The following TNFSF11 variants were observed in gnomAD, a reference collection of about 807,000 sequenced individuals.
TNFSF11 encodes tumor necrosis factor ligand superfamily member 11.
A neutral mutation model predicts 32.2 loss-of-function variants in TNFSF11; 12 were observed. The observed-to-expected ratio is 0.37, with a 90% CI of 0.24 to 0.60. The LOEUF (loss-of-function observed/expected upper bound fraction) is 0.60. Ranked by LOEUF, TNFSF11 falls within the 20% of genes least tolerant of loss-of-function variation. The probability of loss-of-function intolerance (pLI) is 0.66; values close to 1 mark genes in which losing one functional copy is unlikely to be tolerated. For synonymous variants in TNFSF11, 172 were observed against 152.1 expected (o/e 1.13, Z -0.96); for missense variants, 345 against 398.0 (o/e 0.87, Z 1.13).
At chr13:42,595,754 T>C (rs1868772265) in intron 2 of TNFSF11, among the ~76,000 whole-genome samples, 1 of 152,248 alleles carries the variant, frequency 6.6e-6, no homozygotes, top group African/African-American at 2.4e-5. Flanking sequence ...TGTACATACA[T>C]TTTTTAAAAG....
At chr13:42,602,727 T>C (rs1869246171) in intron 4 of TNFSF11, among the ~76,000 whole-genome samples, 1 of 152,250 alleles carries the variant, frequency 6.6e-6, no homozygotes, top group Admixed American at 6.5e-5. Flanking sequence ...TGGAAAACTA[T>C]TTTGCATGTT....
At chr13:42,583,950 C>A (rs1304287086) in intron 2 of TNFSF11, among the ~76,000 whole-genome samples, 1 of 151,988 alleles carries the variant, frequency 6.6e-6, no homozygotes, top group Admixed American at 6.6e-5. Flanking sequence ...TAAAATAAAT[C>A]AGTTTGTAAA....
chr13:42,606,443 C>T (rs770527240), intron 4 of TNFSF11, 54 bp from the exon 5 acceptor site: 40 of 1,596,220 alleles, frequency 2.5e-5, no homozygotes, highest in Admixed American at 8.3e-5. Flanking sequence ...ATTGTGAAGA[C>T]GTCCTTCTCA....
chr13:42,574,142 C>T (rs2137851605), upstream of TNFSF11: 19 of 896,898 alleles, frequency 2.1e-5, no homozygotes, highest in South Asian at 2.7e-4. Flanking sequence ...TTGGGGCTGC[C>T]GGGCGCCCTG....
intron 2 of TNFSF11, among the ~76,000 whole-genome samples, chr13:42,595,102 G>A (rs912426078): frequency 6.6e-6 from 1 of 152,154 alleles, no homozygotes; most frequent in Non-Finnish European, 1.5e-5. Context: ...GTTTTTAGAC[G>A]TTGGGGTTTC....
intron 2 of TNFSF11, among the ~76,000 whole-genome samples, chr13:42,594,088 TA>T (rs968093062): frequency 2.0e-5 from 3 of 152,092 alleles, no homozygotes; most frequent in African/African-American, 7.2e-5. Context: ...ATTATTAATT[TA>T]TTTTTTTTGA....
chr13:42,603,823 G>A (rs1869305801), intron 4 of TNFSF11, among the ~76,000 whole-genome samples: 1 of 152,204 alleles, frequency 6.6e-6, no homozygotes. Context: ...TTAAGGCACA[G>A]TTGGTTGATG....
At chr13:42,582,440 G>T (rs1349831165) in intron 2 of TNFSF11, among the ~76,000 whole-genome samples, 2 of 152,124 alleles carry the variant, frequency 1.3e-5, no homozygotes, top group Non-Finnish European at 2.9e-5. Flanking sequence ...CCAATTTTCA[G>T]CCTACTTTGT....
intron 1 of TNFSF11, among the ~76,000 whole-genome samples, chr13:42,576,226 A>G (rs942728871): frequency 1.3e-4 from 20 of 152,354 alleles, no homozygotes; most frequent in Middle Eastern, 3.4e-3. Flanking sequence ...GTAGGAAATG[A>G]AGGAGTTCTA....
At position 42,582,216 on chromosome 13, in the gene TNFSF11, A is replaced by G. The variant is rs539872303; in HGVS notation, c.387+923A>G. On this transcript the variant is annotated intron_variant, in intron 2 of 4. Coordinates refer to ENST00000398795, the MANE Select transcript of TNFSF11 (RefSeq NM_003701.4). ...GTTTATTTTTTAAAAATCCACATAT[A>G]GTAATATAATTATTTAAAAAGAGGA... Among the ~76,000 whole-genome samples the G allele has an allele frequency of 2.6e-5, 4 of 152,360 alleles. No homozygotes were observed. The East Asian group carries it at 7.7e-4, about 29-fold the overall frequency.
chr13:42,580,551 T>C (rs1213973893), intron 1 of TNFSF11, among the ~76,000 whole-genome samples: 2 of 152,154 alleles, frequency 1.3e-5, no homozygotes, highest in African/African-American at 2.4e-5. Flanking sequence ...AAAAGACAGA[T>C]GACACGTCTG....
chr13:42,581,159 C>T lies in TNFSF11; in HGVS notation c.253C>T (p.His85Tyr). 1.2e-6 allele frequency: 2 copies of T among 1,614,108 alleles called. No individual in the cohort carries two copies. The highest frequency in any genetic ancestry group is 1.1e-5 in the South Asian group (1 of 91,074). The part of the protein sequence containing the change: ...DPNRISEDGT[H>Y]CIYRILRLHE... ...TAATAGAATATCAGAAGATGGCACT[C>T]ACTGCATTTATAGAATTTTGAGACT... is the stretch of plus-strand genomic sequence containing the variant. Residue 85 changes from histidine to tyrosine, a missense_variant, in exon 2 of 5, where the codon CAC becomes TAC. By Grantham distance (83) the His-to-Tyr change is moderately conservative. Transcript: ENST00000398795.
chr13:42,600,784 C>G lies in TNFSF11; in HGVS notation c.420C>G (p.Ile140Met), dbSNP rs189501562. ...AACATATCGTTGGATCACAGCACATCAGAGCAGAGAAAGGTAAGCATGGAT... is the reference window on the plus strand; with the variant it reads ...AACATATCGTTGGATCACAGCACATGAGAGCAGAGAAAGGTAAGCATGGAT... The part of the protein sequence containing the change: ...ELQHIVGSQH[I>M]RAEKAMVDGS... Residue 140 changes from isoleucine (I) to methionine (M), a missense_variant, in exon 3 of 5, where the codon ATC becomes ATG. Physicochemically the swap from Ile to Met is conservative, Grantham distance 10 (BLOSUM62 1). Around this residue, in one of 2 missense-constraint regions of TNFSF11, gnomAD observed 197 missense variants for 182.0 expected, o/e 1.08. Transcript: ENST00000398795. The G allele has an allele frequency of 1.1e-3, 1,724 of 1,614,082 alleles. 25 individuals carry two copies. The highest frequency in any genetic ancestry group is 1.1e-4 in the Non-Finnish European group (124 of 1,180,002).
At chr13:42,594,135 A>C (rs554685149) in intron 2 of TNFSF11, among the ~76,000 whole-genome samples, 7 of 152,010 alleles carry the variant, frequency 4.6e-5, no homozygotes, top group Non-Finnish European at 1.0e-4. Flanking sequence ...GCTGGAGTGC[A>C]GTGGTGTGAT....
At chr13:42,605,075 G>C (rs1195567179) in intron 4 of TNFSF11, among the ~76,000 whole-genome samples, 1 of 152,204 alleles carries the variant, frequency 6.6e-6, no homozygotes, top group Non-Finnish European at 1.5e-5. Flanking sequence ...GAGCCACCGT[G>C]CCCAGCCATG....
chr13:42,577,671 T>A (rs1378931864), intron 1 of TNFSF11, among the ~76,000 whole-genome samples: 1 of 152,120 alleles, frequency 6.6e-6, no homozygotes, highest in Non-Finnish European at 1.5e-5. Context: ...GATCCCCCAA[T>A]ATGCACAAAC....
At chr13:42,564,347 C>T (rs1872791875) in intron 1 of TNFSF11, among the ~76,000 whole-genome samples, 4 of 152,120 alleles carry the variant, frequency 2.6e-5, no homozygotes, top group Admixed American at 2.6e-4. Flanking sequence ...GCAGGTGGAC[C>T]ACCTGAGGTC....
At chr13:42,602,802 ATC>A (rs1238864451) in intron 4 of TNFSF11, among the ~76,000 whole-genome samples, 5 of 152,268 alleles carry the variant, frequency 3.3e-5, no homozygotes, top group African/African-American at 1.2e-4. Flanking sequence ...CCCTACATTT[ATC>A]TTTTCAGTTC....
intron 4 of TNFSF11, among the ~76,000 whole-genome samples, chr13:42,606,093 G>A (rs1405513258): frequency 6.6e-6 from 1 of 152,116 alleles, no homozygotes; most frequent in Non-Finnish European, 1.5e-5. Flanking sequence ...TAAGTTCTCA[G>A]GCTTAGCAGC....
Sources: allele counts gnomAD v4.1 joint callset (sites outside exome capture counted in the v4.1 genomes callset), GRCh38; gene constraint gnomAD v4.1.1; regional missense constraint gnomAD v4.1.1; transcripts MANE v1.5; gene names NCBI Gene and HGNC (gene_info 2026-07-23, HGNC 2026-07-21).